Variants in CCDC7 observed in about 807,000 individuals in gnomAD.
CCDC7 encodes the protein coiled-coil domain containing 7, also known as coiled-coil domain-containing protein 7.
Under a neutral mutation model 196.9 loss-of-function variants are expected in CCDC7, and 183 were observed. That is an observed-to-expected ratio of 0.93 (90% CI 0.82 to 1.05). The LOEUF (loss-of-function observed/expected upper bound fraction) is 1.05. Among genes scored for constraint, CCDC7 ranks in the 50% least tolerant of loss-of-function variants. The pLI, the probability that CCDC7 is intolerant of heterozygous loss-of-function variation, is 0.00. For missense variants in CCDC7, 1,540 were observed against 1,482.2 expected, an observed-to-expected ratio of 1.04 and a Z score of -0.64; for synonymous variants, 525 against 484.6, an observed-to-expected ratio of 1.08 and a Z score of -1.10.
chr10:32,554,153 G>A (rs1564629996), intron 13 of CCDC7, among the ~76,000 whole-genome samples: 1 of 152,186 alleles, frequency 6.6e-6, no homozygotes, highest in Non-Finnish European at 1.5e-5. Context: ...TGAAGGGCCC[G>A]TGTTGCTCCC....
At chr10:32,682,560 G>A (rs1045786187) in intron 21 of CCDC7, among the ~76,000 whole-genome samples, 4 of 152,128 alleles carry the variant, frequency 2.6e-5, no homozygotes, top group East Asian at 1.9e-4. Flanking sequence ...AGTTCTTTGA[G>A]AAATTTCCAA....
chr10:32,841,032 C>G (rs2092939462), intron 33 of CCDC7, among the ~76,000 whole-genome samples: 1 of 151,906 alleles, frequency 6.6e-6, no homozygotes, highest in East Asian at 1.9e-4. Flanking sequence ...TATGACAAAC[C>G]AACAGCCAAC....
intron 25 of CCDC7, among the ~76,000 whole-genome samples, chr10:32,715,330 A>G (rs562390053): frequency 6.6e-6 from 1 of 152,318 alleles, no homozygotes; most frequent in Non-Finnish European, 1.5e-5. Flanking sequence ...AGGAAAACTA[A>G]CAAACAGAAA....
chr10:32,759,929 G>A (rs966821141), intron 28 of CCDC7, among the ~76,000 whole-genome samples: 38 of 152,064 alleles, frequency 2.5e-4, no homozygotes, highest in African/African-American at 8.7e-4. Flanking sequence ...CAAAAAGTGG[G>A]CGAAGGATAT....
At chr10:32,821,609 C>T (rs573461496) in intron 31 of CCDC7, among the ~76,000 whole-genome samples, 3 of 152,276 alleles carry the variant, frequency 2.0e-5, no homozygotes, top group Admixed American at 6.5e-5. Context: ...GACACATATA[C>T]ACCATGGAAT....
chr10:32,516,425 C>T (rs1364464869), intron 9 of CCDC7, among the ~76,000 whole-genome samples: 1 of 152,010 alleles, frequency 6.6e-6, no homozygotes, highest in Non-Finnish European at 1.5e-5. Flanking sequence ...GTTGCTGGGA[C>T]TACAGGCACC....
chr10:32,544,256 T>G, exon 13 of CCDC7: 1 of 1,605,948 alleles, frequency 6.2e-7, no homozygotes, highest in Non-Finnish European at 8.5e-7. Context: ...GGAAGATGTC[T>G]CCAGAAAAAG....
chr10:32,833,356 A>ATTTT (rs1474688075), intron 32 of CCDC7, among the ~76,000 whole-genome samples: 10 of 89,626 alleles, frequency 1.1e-4, no homozygotes, highest in African/African-American at 5.4e-4. Flanking sequence ...CTTTTTTTAA[A>ATTTT]AAAAAAAAAA....
chr10:32,453,678 T>A (rs1465317757), intron 2 of CCDC7, among the ~76,000 whole-genome samples: 2 of 152,132 alleles, frequency 1.3e-5, no homozygotes, highest in Non-Finnish European at 1.5e-5. Flanking sequence ...ATGACCAACA[T>A]TTTAAAGATA....
chr10:32,656,371 A>G (rs375474055), intron 20 of CCDC7, among the ~76,000 whole-genome samples: 1 of 152,232 alleles, frequency 6.6e-6, no homozygotes, highest in East Asian at 1.9e-4. Flanking sequence ...TTATGTTGCT[A>G]TGAAGAAATA....
In CCDC7 at chr10:32,754,373, T is replaced by G. The variant is rs539469923; in HGVS notation, c.2906-24604T>G. On this transcript the variant is annotated intron_variant, in intron 28 of 41. Transcript: ENST00000639629. ...CCTCATATGATGGAAACAATGAACT[T>G]TAATGACTAAAGAAATGTTGACTAC... Among the ~76,000 whole-genome samples the G allele has an allele frequency of 7.2e-5, 11 of 152,258 alleles. No individual in the cohort carries two copies. The East Asian group carries it at 1.7e-3, about 24-fold the overall frequency.
intron 25 of CCDC7, among the ~76,000 whole-genome samples, chr10:32,719,725 C>G (rs992553754): frequency 6.6e-6 from 1 of 152,078 alleles, no homozygotes; most frequent in Non-Finnish European, 1.5e-5. Context: ...TGAACAGGCA[C>G]TTTTCAAAAG....
intron 28 of CCDC7, among the ~76,000 whole-genome samples, chr10:32,773,716 T>G (rs1287534111): frequency 6.6e-6 from 1 of 152,158 alleles, no homozygotes; most frequent in South Asian, 2.1e-4. Flanking sequence ...TCTTTTTTGG[T>G]GGTGTCATAT....
chr10:32,523,800 CT>C (rs956586251), intron 11 of CCDC7, among the ~76,000 whole-genome samples: 8 of 150,182 alleles, frequency 5.3e-5, no homozygotes, highest in Non-Finnish European at 8.9e-5. Flanking sequence ...GTTACTCCTG[CT>C]TTTTTTTTGG....
At chr10:32,498,667 T>A (rs1333725514) in intron 9 of CCDC7, among the ~76,000 whole-genome samples, 3 of 152,186 alleles carry the variant, frequency 2.0e-5, no homozygotes, top group Non-Finnish European at 4.4e-5. Context: ...GATATGAAAT[T>A]CTGGGTTGAA....
Position 32,553,760 on chromosome 10 carries a change from G to T in CCDC7, c.1134+9459G>T, listed in dbSNP as rs568631840. On this transcript the variant is annotated intron_variant, in intron 13 of 41. Coordinates refer to ENST00000639629, the Ensembl canonical transcript of CCDC7. ...GGGGGTTGTTTGCACAGAGTCCTGT[G>T]ATATGGTGGTTTAATGCTCTATTTT... Among the ~76,000 whole-genome samples, 4 of 152,318 alleles carry T rather than the reference G, an allele frequency of 2.6e-5. No homozygotes were observed. The East Asian group carries it at 7.7e-4, about 29-fold the overall frequency.
Position 32,549,233 on chromosome 10 carries a change from G to C in CCDC7, c.1134+4932G>C, listed in dbSNP as rs117564127. On this transcript the variant is annotated intron_variant, in intron 13 of 41. Transcript: ENST00000639629. Reference sequence around the variant, plus strand: ...CTTCTTTTGAGAATTGTCTATTCACGTTCTTAGCCCACTTTTTGATGGGAT... The same window carrying C: ...CTTCTTTTGAGAATTGTCTATTCACCTTCTTAGCCCACTTTTTGATGGGAT... Among the ~76,000 whole-genome samples, 1,205 of 152,032 alleles carry C rather than the reference G, an allele frequency of 7.9e-3. 7 individuals carry two copies. The highest frequency in any genetic ancestry group is 0.02 in the Middle Eastern group (6 of 294).
At chr10:32,571,619 TAA>T (rs2057567091) in intron 15 of CCDC7, among the ~76,000 whole-genome samples, 1 of 152,164 alleles carries the variant, frequency 6.6e-6, no homozygotes, top group Admixed American at 6.5e-5. Flanking sequence ...TTTTGTTTAC[TAA>T]AAGTATAAAA....
At chr10:32,580,669 ATAT>A (rs1452772351) in intron 16 of CCDC7, among the ~76,000 whole-genome samples, 1 of 152,042 alleles carries the variant, frequency 6.6e-6, no homozygotes, top group Non-Finnish European at 1.5e-5. Flanking sequence ...AATATCAATA[ATAT>A]TTTATTAGTA....
Sources: allele counts gnomAD v4.1 joint callset (sites outside exome capture counted in the v4.1 genomes callset), GRCh38; gene constraint gnomAD v4.1.1; transcripts MANE v1.5; gene names NCBI Gene and HGNC (gene_info 2026-07-23, HGNC 2026-07-21).